The following PLIN2 variants were observed in gnomAD, a reference collection of about 807,000 sequenced individuals.
PLIN2 encodes perilipin-2.
PLIN2 carries 33 observed loss-of-function variants against 30.6 expected under a neutral mutation model. The observed-to-expected ratio is 1.08, with a 90% CI of 0.82 to 1.44. PLIN2 has a LOEUF of 1.44. Ranked by LOEUF, PLIN2 falls within the 40% of genes most tolerant of loss-of-function variation. The pLI is 0.00. For synonymous variants in PLIN2, 205 were observed against 201.1 expected (o/e 1.02, Z -0.16); for missense variants, 610 against 531.8 (o/e 1.15, Z -1.45).
chr9:19,117,817 C>G (rs564806080), intron 7 of PLIN2, among the ~76,000 whole-genome samples: 1 of 152,026 alleles, frequency 6.6e-6, no homozygotes, highest in Non-Finnish European at 1.5e-5. Flanking sequence ...CAGGGTTTCA[C>G]CATGTTGGCC....
At chr9:19,113,878 G>GA, downstream of PLIN2, among the ~76,000 whole-genome samples, 1 of 151,114 alleles carries the variant, frequency 6.6e-6, no homozygotes, top group South Asian at 2.1e-4. Flanking sequence ...GGGTTCAAAC[G>GA]ATTCTCCTGC....
At chr9:19,111,548 G>A (rs1286370631), downstream of PLIN2, among the ~76,000 whole-genome samples, 1 of 151,916 alleles carries the variant, frequency 6.6e-6, no homozygotes, top group Non-Finnish European at 1.5e-5. Flanking sequence ...CTAAAAATAC[G>A]ACCTGGGACT....
downstream of PLIN2, among the ~76,000 whole-genome samples, chr9:19,113,059 G>A (rs1017473981): frequency 1.3e-5 from 2 of 151,832 alleles, no homozygotes; most frequent in African/African-American, 2.4e-5. Context: ...GAAAGCATGT[G>A]TGGCCAGGCG....
intron 3 of PLIN2, among the ~76,000 whole-genome samples, chr9:19,123,922 G>A (rs1818358546): frequency 6.6e-6 from 1 of 151,542 alleles, no homozygotes; most frequent in Non-Finnish European, 1.5e-5. Context: ...AGGAGGCTGA[G>A]GCAGGAGAAT....
chr9:19,115,542 C>G (rs1334277504), downstream of PLIN2, among the ~76,000 whole-genome samples: 2 of 151,904 alleles, frequency 1.3e-5, no homozygotes, highest in Non-Finnish European at 2.9e-5. Flanking sequence ...CTCCTGACCT[C>G]GTGATCCGCC....
chr9:19,114,015 T>A (rs938215277), downstream of PLIN2, among the ~76,000 whole-genome samples: 1 of 152,006 alleles, frequency 6.6e-6, no homozygotes, highest in Admixed American at 6.6e-5. Context: ...CCTGACCTCT[T>A]GATCTGCCAG....
rs1818259263 is a variant in PLIN2 at position 19,118,172 on chromosome 9, C to T, written c.912+149G>A. 3.6e-5 allele frequency: 25 copies of T among 701,266 alleles called. No homozygotes were observed. The South Asian group carries it at 5.2e-4, about 15-fold the overall frequency. 43.4% of individuals were successfully genotyped at this position (701,266 alleles called of 1,614,324 possible). ...TTATTCGCTGCCTAGTTTTGCTTTT[C>T]TGCCACATAACTAGCCACCTATGTA... On this transcript the variant is annotated intron_variant, in intron 7 of 7. Coordinates refer to ENST00000276914, the MANE Select transcript of PLIN2 (RefSeq NM_001122.4).
At position 19,119,783 on chromosome 9, in the gene PLIN2, C is replaced by G. The variant is rs531693327; in HGVS notation, c.644G>C (p.Ser215Thr). The change falls in exon 6 of 8, where the codon AGT (serine) becomes ACT (threonine). Residue 215 changes from serine (S) to threonine (T), a missense_variant. Ser to Thr is a moderately conservative substitution (Grantham distance 58). Transcript: ENST00000276914. ...VEGFDLVQKP[S>T]YYVRLGSLST... ...CAGGGATCCCAGTCTAACATAATAA[C>G]TTGGCTTCTGAACCAGATCAAATCC... 13 of 1,602,800 alleles carry G rather than the reference C, an allele frequency of 8.1e-6. No individual in the cohort carries two copies. Among genetic ancestry groups the G allele is most frequent in the Non-Finnish European group, 9.4e-6 (11 of 1,173,040 alleles).
intron 6 of PLIN2, among the ~76,000 whole-genome samples, chr9:19,118,963 G>T (rs150199922): frequency 6.6e-6 from 1 of 152,186 alleles, no homozygotes; most frequent in African/African-American, 2.4e-5. Flanking sequence ...AAAGTGCTGG[G>T]ATTATAGGCA....
At position 19,118,464 on chromosome 9, in the gene PLIN2, A is replaced by G; in HGVS notation, c.778-9T>C. 6.2e-7 allele frequency: 1 copy of G among 1,611,232 alleles called. No individual in the cohort carries two copies. Among genetic ancestry groups the G allele is most frequent in the Non-Finnish European group, 8.5e-7 (1 of 1,179,158 alleles). On this transcript the variant is annotated splice_polypyrimidine_tract_variant and intron_variant, in intron 6 of 7. Coordinates refer to ENST00000276914, the MANE Select transcript of PLIN2 (RefSeq NM_001122.4). The stretch of plus-strand genomic sequence containing the variant: ...TTCCTGGCAAATTCAATCTAGACAC[A>G]TTGAAACAAGACAAAGGAACACACA...
At chr9:19,121,616 C>G (rs1031295086) in intron 4 of PLIN2, among the ~76,000 whole-genome samples, 1 of 152,048 alleles carries the variant, frequency 6.6e-6, no homozygotes, top group Non-Finnish European at 1.5e-5. Flanking sequence ...ATACCTGGCC[C>G]TCGGGGTGTT....
intron 4 of PLIN2, among the ~76,000 whole-genome samples, chr9:19,122,291 A>G (rs899439534): frequency 6.6e-6 from 1 of 152,124 alleles, no homozygotes; most frequent in Admixed American, 6.6e-5. Context: ...GTACCACATA[A>G]TATTTTGGTC....
chr9:19,115,948 A>G lies in PLIN2; in HGVS notation c.*300T>C, dbSNP rs1818214756. On this transcript the variant is annotated 3_prime_UTR_variant, in exon 8 of 8. Transcript: ENST00000276914. Reference sequence around the variant, plus strand: ...CCACATGAAGATGTTTTTATTCAATACAAACAGTAACAGAGGCAACACAAT... The same window carrying G: ...CCACATGAAGATGTTTTTATTCAATGCAAACAGTAACAGAGGCAACACAAT... 1 of 233,912 alleles carries G rather than the reference A, an allele frequency of 4.3e-6. No individual in the cohort carries two copies. The highest frequency in any genetic ancestry group is 2.3e-5 in the African/African-American group (1 of 44,184). 14.5% of individuals were successfully genotyped at this position (233,912 alleles called of 1,614,324 possible). A position where few individuals can be genotyped will look rare whatever the true frequency, so the allele number is the denominator to read the frequency against.
downstream of PLIN2, among the ~76,000 whole-genome samples, chr9:19,115,279 T>A (rs1179625610): frequency 2.6e-5 from 4 of 152,142 alleles, no homozygotes; most frequent in South Asian, 2.1e-4. Context: ...TATTTTTTTT[T>A]AATTTGTTAT....
intron 6 of PLIN2, 66 bp downstream of exon 6, chr9:19,119,584 A>G: frequency 1.1e-6 from 1 of 950,028 alleles, no homozygotes; most frequent in African/African-American, 1.6e-5. Flanking sequence ...TTGTGATTAC[A>G]TTTAATTCTT....
rs895797748 is a variant in PLIN2, at chr9:19,122,367, CTTTT to C, written c.309+1194_309+1197del. On this transcript the variant is annotated intron_variant, in intron 4 of 7. Coordinates refer to ENST00000276914, the MANE Select transcript of PLIN2 (RefSeq NM_001122.4). ...AATGAACTGCCCTATAACAGGTATACTTTTTTTTTTCACTGTACCTTTTCTAGTT... is the reference window on the plus strand; with the variant it reads ...AATGAACTGCCCTATAACAGGTATACTTTTTTCACTGTACCTTTTCTAGTT... 2.0e-5 allele frequency among the ~76,000 whole-genome samples: 3 copies of C among 149,316 alleles called. No individual in the cohort carries two copies. The Admixed American group carries it at 2.0e-4, about 10-fold the overall frequency.
Position 19,116,214 on chromosome 9 carries a change from C to G in PLIN2, c.*34G>C. The G allele has an allele frequency of 6.6e-7, 1 of 1,521,922 alleles. No individual in the cohort carries two copies. Among genetic ancestry groups the G allele is most frequent in the East Asian group, 2.3e-5 (1 of 44,046 alleles). The allele number at this position is 1,521,922 out of a possible 1,614,324, so 94.3% of individuals were successfully genotyped here. A position where few individuals can be genotyped will look rare whatever the true frequency, so the allele number is the denominator to read the frequency against. On this transcript the variant is annotated 3_prime_UTR_variant, in exon 8 of 8. Coordinates refer to ENST00000276914, the MANE Select transcript of PLIN2 (RefSeq NM_001122.4). ...CAACATAACAAAAGGTGTCATCTGTCTGGCCACAGCATGCACTAGTGATAG... is the reference window on the plus strand; with the variant it reads ...CAACATAACAAAAGGTGTCATCTGTGTGGCCACAGCATGCACTAGTGATAG...
intron 6 of PLIN2, among the ~76,000 whole-genome samples, 154 bp downstream of exon 6, chr9:19,119,496 T>C (rs1283610360): frequency 2.6e-5 from 4 of 152,240 alleles, no homozygotes; most frequent in Admixed American, 6.5e-5. Flanking sequence ...ATACTTCCTT[T>C]TTCTGTGAGC....
At chr9:19,115,396 C>T (rs1471460122), downstream of PLIN2, among the ~76,000 whole-genome samples, 3 of 151,822 alleles carry the variant, frequency 2.0e-5, no homozygotes, top group African/African-American at 4.8e-5. Context: ...CAAGCTCTGC[C>T]TCCCGGGTTC....
Sources: gnomAD v4.1 joint callset for allele counts (sites outside exome capture counted in the v4.1 genomes callset) on GRCh38, gnomAD v4.1.1 for gene constraint, MANE v1.5 for transcripts, NCBI Gene and HGNC (gene_info 2026-07-23, HGNC 2026-07-21) for gene names.